Variants in SOX5 observed in about 807,000 individuals in gnomAD.
SOX5 encodes the protein transcription factor SOX-5.
In SOX5, 9 loss-of-function variants were observed where a neutral mutation model predicts 92.0. That is an observed-to-expected ratio of 0.10 (90% CI 0.06 to 0.17). SOX5 has a LOEUF of 0.17. Among genes scored for constraint, SOX5 ranks in the 10% least tolerant of loss-of-function variants. The pLI, the probability that SOX5 is intolerant of heterozygous loss-of-function variation, is 1.00. For synonymous variants in SOX5, 344 were observed against 336.3 expected, an observed-to-expected ratio of 1.02 and a Z score of -0.25; for missense variants, 642 against 944.5, an observed-to-expected ratio of 0.68 and a Z score of 4.20.
chr12:23,773,905 T>A (rs1214644669), intron 3 of SOX5, among the ~76,000 whole-genome samples: 1 of 152,100 alleles, frequency 6.6e-6, no homozygotes, highest in Non-Finnish European at 1.5e-5. Flanking sequence ...AAAGGTATAA[T>A]AGTAGAGGGA....
At chr12:23,694,114 G>A (rs1264304916) in intron 6 of SOX5, among the ~76,000 whole-genome samples, 4 of 152,060 alleles carry the variant, frequency 2.6e-5, no homozygotes, top group Non-Finnish European at 4.4e-5. Context: ...TGTTTGAGAC[G>A]TCTATTTTTA....
intron 4 of SOX5, among the ~76,000 whole-genome samples, chr12:24,205,440 T>C (rs1443129016): frequency 2.0e-5 from 3 of 152,198 alleles, no homozygotes; most frequent in African/African-American, 7.2e-5. Flanking sequence ...GTGTTATTCT[T>C]ATACTAATTT....
intron 8 of SOX5, among the ~76,000 whole-genome samples, chr12:23,620,301 G>A (rs2077022557): frequency 6.6e-6 from 1 of 152,006 alleles, no homozygotes. Flanking sequence ...TTAATAAGAG[G>A]AATGACAGAA....
intron 4 of SOX5, among the ~76,000 whole-genome samples, chr12:23,998,861 C>T (rs1951307840): frequency 2.7e-5 from 4 of 146,750 alleles, no homozygotes. Context: ...GTAATAATGG[C>T]CACAAACTTC....
intron 3 of SOX5, among the ~76,000 whole-genome samples, chr12:23,829,177 A>G (rs1047087301): frequency 2.0e-5 from 3 of 152,138 alleles, no homozygotes; most frequent in Non-Finnish European, 4.4e-5. Flanking sequence ...TAATTAGGGC[A>G]AATGCTTGAT....
intron 1 of SOX5, among the ~76,000 whole-genome samples, chr12:24,510,219 C>T (rs182896796): frequency 5.3e-5 from 8 of 152,312 alleles, no homozygotes; most frequent in Admixed American, 4.6e-4. Flanking sequence ...ACAATCAACA[C>T]ACAGGTGAAC....
chr12:24,076,557 C>T (rs1324382197), intron 4 of SOX5, among the ~76,000 whole-genome samples: 1 of 152,150 alleles, frequency 6.6e-6, no homozygotes, highest in Non-Finnish European at 1.5e-5. Flanking sequence ...GAAAACTCTC[C>T]TATGTCACTT....
intron 4 of SOX5, among the ~76,000 whole-genome samples, chr12:24,080,754 T>G (rs894094190): frequency 6.6e-6 from 1 of 151,978 alleles, no homozygotes; most frequent in Non-Finnish European, 1.5e-5. Context: ...TATGGCACAT[T>G]GCTTAAACCA....
intron 1 of SOX5, among the ~76,000 whole-genome samples, chr12:23,931,093 C>T (rs1221977857): frequency 6.6e-6 from 1 of 151,732 alleles, no homozygotes; most frequent in African/African-American, 2.4e-5. Context: ...GTCTAGCACA[C>T]ACAAAATATT....
chr12:24,540,075 G>A (rs191172940), intron 1 of SOX5, among the ~76,000 whole-genome samples: 16 of 152,148 alleles, frequency 1.1e-4, no homozygotes, highest in Admixed American at 1.0e-3. Context: ...AGATGCTAAT[G>A]AATACACATA....
intron 3 of SOX5, among the ~76,000 whole-genome samples, chr12:23,816,253 A>G (rs2095990960): frequency 6.8e-6 from 1 of 146,426 alleles, no homozygotes; most frequent in Non-Finnish European, 1.5e-5. Context: ...TCTGTCGCCC[A>G]GGCTGGAGTG....
At chr12:23,726,903 CAG>C (rs1170001957) in intron 6 of SOX5, among the ~76,000 whole-genome samples, 1 of 152,108 alleles carries the variant, frequency 6.6e-6, no homozygotes, top group Non-Finnish European at 1.5e-5. Context: ...AGTTTACATG[CAG>C]ATCTCTCTTC....
intron 2 of SOX5, among the ~76,000 whole-genome samples, chr12:24,355,282 CTTTTTTTTTT>C (rs768157437): frequency 8.6e-4 from 62 of 71,928 alleles, no homozygotes; most frequent in Admixed American, 2.0e-3. Context: ...AGGGGTGCAT[CTTTTTTTTTT>C]TTTTTTTTTT....
chr12:24,452,064 G>C (rs1434774784), intron 1 of SOX5, among the ~76,000 whole-genome samples: 1 of 152,106 alleles, frequency 6.6e-6, no homozygotes, highest in African/African-American at 2.4e-5. Flanking sequence ...GGTCTTGAAG[G>C]CTTCAGACCT....
In SOX5 at chr12:24,466,392, C is replaced by T. The variant is rs140734802; in HGVS notation, c.-251+95937G>A. ...TCTCAAAGTGCTGGGATTATAGACA[C>T]GAGCCACTGCACTTGGCCCCAGAAT... On this transcript the variant is annotated intron_variant, in intron 1 of 4. Transcript: ENST00000446891. Among the ~76,000 whole-genome samples, 15 of 152,186 alleles carry T rather than the reference C, an allele frequency of 9.9e-5. No homozygotes were observed. In the East Asian group the frequency reaches 1.7e-3, roughly 18 times the overall value.
At chr12:24,009,945 G>T (rs968883409) in intron 4 of SOX5, among the ~76,000 whole-genome samples, 20 of 152,118 alleles carry the variant, frequency 1.3e-4, no homozygotes, top group African/African-American at 4.8e-4. Flanking sequence ...GAATTATATT[G>T]TCAGTCTTGG....
intron 8 of SOX5, among the ~76,000 whole-genome samples, chr12:23,617,569 G>A (rs1283060085): frequency 6.6e-6 from 1 of 152,114 alleles, no homozygotes; most frequent in Non-Finnish European, 1.5e-5. Context: ...ATCAATGAGG[G>A]GTGGAGTGTT....
At chr12:23,738,935 C>A (rs1303619676) in intron 5 of SOX5, among the ~76,000 whole-genome samples, 1 of 152,136 alleles carries the variant, frequency 6.6e-6, no homozygotes, top group Non-Finnish European at 1.5e-5. Context: ...CCAAATATAT[C>A]TTTAATGAAA....
chr12:24,342,980 A>G (rs1026608306), intron 2 of SOX5, among the ~76,000 whole-genome samples: 1 of 152,250 alleles, frequency 6.6e-6, no homozygotes, highest in Non-Finnish European at 1.5e-5. Flanking sequence ...CTTACTCAAC[A>G]TCACTAATGA....
Sources: allele counts gnomAD v4.1 joint callset (sites outside exome capture counted in the v4.1 genomes callset), GRCh38; gene constraint gnomAD v4.1.1; transcripts MANE v1.5; gene names NCBI Gene and HGNC (gene_info 2026-07-23, HGNC 2026-07-21).